ADAMTSL1: variants seen among roughly 807,000 people sequenced by gnomAD.
The protein encoded by ADAMTSL1 is ADAMTS like 1.
ADAMTSL1 carries 126 observed loss-of-function variants against 201.8 expected under a neutral mutation model. That is an observed-to-expected ratio of 0.62 (90% CI 0.54 to 0.72). ADAMTSL1 has a LOEUF of 0.72. Among genes scored for constraint, ADAMTSL1 ranks in the 30% least tolerant of loss-of-function variants. ADAMTSL1 has a pLI of 0.00. For synonymous variants in ADAMTSL1, 1,121 were observed against 903.4 expected (o/e 1.24, Z -4.32); for missense variants, 2,679 against 2,277.8 (o/e 1.18, Z -3.59).
intron 2 of ADAMTSL1, among the ~76,000 whole-genome samples, chr9:18,240,486 G>A (rs977758955): frequency 6.7e-4 from 102 of 151,976 alleles, no homozygotes; most frequent in Non-Finnish European, 4.4e-4. Context: ...ATTCTTAGGG[G>A]CCCTAGAATT....
intron 1 of ADAMTSL1, among the ~76,000 whole-genome samples, chr9:18,087,156 C>G (rs1384322791): frequency 6.6e-6 from 1 of 152,118 alleles, no homozygotes; most frequent in Non-Finnish European, 1.5e-5. Context: ...ATTTATCACA[C>G]ATTGTAGTTA....
intron 7 of ADAMTSL1, among the ~76,000 whole-genome samples, chr9:18,651,855 A>G (rs945066221): frequency 6.6e-6 from 1 of 152,042 alleles, no homozygotes; most frequent in Admixed American, 6.6e-5. Context: ...CAATACAAGG[A>G]GTCTGGAGAG....
chr9:18,266,830 A>C (rs1343206292), intron 2 of ADAMTSL1, among the ~76,000 whole-genome samples: 2 of 152,182 alleles, frequency 1.3e-5, no homozygotes. Context: ...TTCTCCAGAC[A>C]GATGAAAAAA....
At chr9:18,328,473 C>T (rs1834911853) in intron 2 of ADAMTSL1, among the ~76,000 whole-genome samples, 1 of 152,198 alleles carries the variant, frequency 6.6e-6, no homozygotes, top group Non-Finnish European at 1.5e-5. Flanking sequence ...TGTATTAACT[C>T]ACTTAGCCCT....
intron 13 of ADAMTSL1, among the ~76,000 whole-genome samples, chr9:18,687,359 C>A (rs1830900994): frequency 6.6e-6 from 1 of 152,142 alleles, no homozygotes; most frequent in Admixed American, 6.5e-5. Context: ...CTCTCTGAAG[C>A]ATATTGAAAA....
At position 18,501,498 on chromosome 9, in the gene ADAMTSL1, G is replaced by A. The variant is rs757106846; in HGVS notation, c.64-3331G>A. Among the ~76,000 whole-genome samples, 85 of 106,590 alleles carry A rather than the reference G, an allele frequency of 8.0e-4. 1 individual carries two copies. In the Admixed American group the frequency reaches 8.7e-3, roughly 11 times the overall value. 69.9% of individuals were successfully genotyped at this position (106,590 alleles called of 152,430 possible). On this transcript the variant is annotated intron_variant, in intron 1 of 28. Transcript: ENST00000380548. ...CAGCCTGGGCAACAAAGTAAGACAC[G>A]GTCTCAAAAAAAAAAAAAAAAAAAA... is the stretch of plus-strand genomic sequence containing the variant.
chr9:18,707,899 C>T (rs759321425), intron 14 of ADAMTSL1, among the ~76,000 whole-genome samples: 1 of 152,186 alleles, frequency 6.6e-6, no homozygotes, highest in Admixed American at 6.5e-5. Flanking sequence ...TTGAAATCAA[C>T]AACTGATTCT....
chr9:18,214,564 C>T (rs770391067), intron 2 of ADAMTSL1, among the ~76,000 whole-genome samples: 1 of 152,126 alleles, frequency 6.6e-6, no homozygotes, highest in African/African-American at 2.4e-5. Context: ...TATACTACAA[C>T]AATTATGTGA....
At chr9:18,562,846 G>T (rs1821613647) in intron 3 of ADAMTSL1, among the ~76,000 whole-genome samples, 2 of 152,220 alleles carry the variant, frequency 1.3e-5, no homozygotes, top group South Asian at 2.1e-4. Context: ...AAGTTCTCAT[G>T]CTCTGTTTAT....
chr9:18,623,243 C>CAAAAAAAAA (rs11313686), intron 5 of ADAMTSL1, among the ~76,000 whole-genome samples: 1 of 140,736 alleles, frequency 7.1e-6, no homozygotes. Flanking sequence ...TCAATACTAG[C>CAAAAAAAAA]AAAAAAAAAA....
intron 1 of ADAMTSL1, among the ~76,000 whole-genome samples, chr9:17,947,050 C>A (rs960833498): frequency 1.2e-4 from 18 of 151,926 alleles, no homozygotes; most frequent in African/African-American, 3.4e-4. Flanking sequence ...CACTGCCTGG[C>A]AGAGGCATGT....
chr9:18,877,209 TTAA>T (rs1828218967), intron 23 of ADAMTSL1, among the ~76,000 whole-genome samples: 1 of 152,246 alleles, frequency 6.6e-6, no homozygotes, highest in Admixed American at 6.5e-5. Context: ...CTTGAGTAAC[TTAA>T]TAATTAACAT....
chr9:18,242,335 C>T (rs537137706), intron 2 of ADAMTSL1, among the ~76,000 whole-genome samples: 1 of 152,046 alleles, frequency 6.6e-6, no homozygotes, highest in African/African-American at 2.4e-5. Flanking sequence ...AAACTCTTAA[C>T]ATTTTAGGTA....
intron 2 of ADAMTSL1, among the ~76,000 whole-genome samples, chr9:18,184,407 A>T (rs1297620747): frequency 1.3e-5 from 2 of 152,216 alleles, no homozygotes; most frequent in Non-Finnish European, 2.9e-5. Flanking sequence ...TATTTCCTAC[A>T]CAAAACTTTT....
At chr9:18,218,348 T>G (rs969444869) in intron 2 of ADAMTSL1, among the ~76,000 whole-genome samples, 1 of 152,188 alleles carries the variant, frequency 6.6e-6, no homozygotes, top group Admixed American at 6.5e-5. Context: ...TTTTGGATAT[T>G]AAGTCCATGC....
intron 1 of ADAMTSL1, among the ~76,000 whole-genome samples, chr9:18,037,403 G>C (rs115559081): frequency 6.6e-6 from 1 of 152,168 alleles, no homozygotes; most frequent in African/African-American, 2.4e-5. Context: ...ACAAACATCA[G>C]TCTGGAGGTA....
chr9:18,361,028 C>T (rs1836495002), intron 2 of ADAMTSL1, among the ~76,000 whole-genome samples: 1 of 152,002 alleles, frequency 6.6e-6, no homozygotes, highest in Non-Finnish European at 1.5e-5. Context: ...TGAAATGAAG[C>T]TTGTTAAATG....
At chr9:18,420,404 T>C (rs1818888948) in intron 2 of ADAMTSL1, among the ~76,000 whole-genome samples, 2 of 152,204 alleles carry the variant, frequency 1.3e-5, no homozygotes, top group African/African-American at 4.8e-5. Context: ...ATTCTTTATA[T>C]GGTGATAGGG....
chr9:17,941,864 C>G (rs1343472275), intron 1 of ADAMTSL1, among the ~76,000 whole-genome samples: 1 of 152,090 alleles, frequency 6.6e-6, no homozygotes, highest in Non-Finnish European at 1.5e-5. Flanking sequence ...GGTCTACTCC[C>G]TGCTTCATAG....
Sources: gnomAD v4.1 joint callset for allele counts (sites outside exome capture counted in the v4.1 genomes callset) on GRCh38, gnomAD v4.1.1 for gene constraint, MANE v1.5 for transcripts, NCBI Gene and HGNC (gene_info 2026-07-23, HGNC 2026-07-21) for gene names.